SCLY: variants seen among roughly 807,000 people sequenced by gnomAD.
SCLY encodes the protein selenocysteine lyase, also known as putative selenocysteine lyase.
In SCLY, 38 loss-of-function variants were observed where a neutral mutation model predicts 50.1. The ratio of observed to expected loss-of-function variants is 0.76; its 90% confidence interval spans 0.59 to 0.99. The LOEUF (loss-of-function observed/expected upper bound fraction) is 0.99, where lower values mean the gene tolerates loss of function less well. Among genes scored for constraint, SCLY ranks in the 50% least tolerant of loss-of-function variants. SCLY has a pLI of 0.00. For synonymous variants in SCLY, 243 were observed against 249.4 expected (o/e 0.97, Z 0.24); for missense variants, 600 against 620.0 (o/e 0.97, Z 0.34).
chr2:238,094,664 C>A, intron 10 of SCLY, 142 bp downstream of exon 10: 2 of 695,056 alleles, frequency 2.9e-6, no homozygotes, highest in South Asian at 1.8e-5. Flanking sequence ...CTGGGGTTGC[C>A]AAGAGCAGGC....
Position 238,093,725 on chromosome 2 carries a change from T to C in SCLY, c.922-136T>C, listed in dbSNP as rs141795511. 858 of 822,990 alleles carry C rather than the reference T, an allele frequency of 1.0e-3. 1 individual carries two copies. The African/African-American group carries it at 0.013, about 12-fold the overall frequency. 51.0% of individuals were successfully genotyped at this position (822,990 alleles called of 1,614,324 possible). A position where few individuals can be genotyped will look rare whatever the true frequency, so the allele number is the denominator to read the frequency against. On this transcript the variant is annotated intron_variant, in intron 8 of 11. Coordinates refer to ENST00000254663, the MANE Select transcript of SCLY (RefSeq NM_016510.7). ...TTCCACACCCTCCAAATGGCAGCAC[T>C]CAAAAAATATGGTCTGTCTGTGACT...
At chr2:238,086,753 C>T (rs948809343) in intron 7 of SCLY, among the ~76,000 whole-genome samples, 1 of 146,360 alleles carries the variant, frequency 6.8e-6, no homozygotes, top group African/African-American at 2.5e-5. Context: ...GGCACGGTGG[C>T]TCACGCCTGT....
chr2:238,064,757 T>A, intron 2 of SCLY: 1 of 223,556 alleles, frequency 4.5e-6, no homozygotes, highest in Non-Finnish European at 8.8e-6. Context: ...GAAGTAGCAG[T>A]CAGTACCTGT....
chr2:238,098,173 C>T (rs779168257), intron 11 of SCLY, 29 bp from the exon 12 acceptor site: 2 of 1,602,604 alleles, frequency 1.2e-6, no homozygotes, highest in Non-Finnish European at 1.7e-6. Flanking sequence ...CCCTCAGCAG[C>T]AGCTGCAGCT....
At chr2:238,082,331 C>A (rs1029520076) in intron 6 of SCLY, 122 bp downstream of exon 6, 2 of 976,072 alleles carry the variant, frequency 2.0e-6, no homozygotes, top group Non-Finnish European at 3.0e-6. Flanking sequence ...CTGCGAGGAG[C>A]AACGTGGGAT....
In SCLY at chr2:238,083,212, G is replaced by C; in HGVS notation, c.778-36G>C. ...TGTATACAGAGTAGGTCCTTGGAAA[G>C]TTCTTGTTGAATAAATGACCAACTT... On this transcript the variant is annotated intron_variant, in intron 6 of 11. Transcript: ENST00000254663. This position sits in a 1 kb window ranked among gnomAD's most constrained non-coding sequence, Gnocchi z 4.3. 6.9e-7 allele frequency: 1 copy of C among 1,450,932 alleles called. No homozygotes were observed. The allele number at this position is 1,450,932 out of a possible 1,614,324, so 89.9% of individuals were successfully genotyped here. A position where few individuals can be genotyped will look rare whatever the true frequency, so the allele number is the denominator to read the frequency against.
intron 4 of SCLY, chr2:238,073,769 TTCC>T (rs762956929): frequency 1.7e-5 from 8 of 467,010 alleles, no homozygotes; most frequent in South Asian, 6.2e-5. Flanking sequence ...CCTCTTCTTC[TTCC>T]TCCTCCTCAG....
At chr2:238,093,994 G>T in intron 9 of SCLY, 50 bp downstream of exon 9, 1 of 1,527,514 alleles carries the variant, frequency 6.5e-7, no homozygotes, top group South Asian at 1.2e-5. Flanking sequence ...GCGTGGGGCA[G>T]GTGCCCAGAG....
chr2:238,069,566 C>T lies in SCLY; in HGVS notation c.484+89C>T, dbSNP rs369786192. ...GCCTGCGAGCAGAGCCCGGGATCCG[C>T]TGCAGAGATGTAGATTCAGTGTGCC... On this transcript the variant is annotated intron_variant, in intron 4 of 11. Transcript: ENST00000254663. The surrounding 1 kb of genome is among the most constrained non-coding windows in gnomAD (Gnocchi z 5.0). 16 of 1,200,456 alleles carry T rather than the reference C, an allele frequency of 1.3e-5. No individual in the cohort carries two copies. The African/African-American group carries it at 2.0e-4, about 15-fold the overall frequency. 74.4% of individuals were successfully genotyped at this position (1,200,456 alleles called of 1,614,324 possible). A position where few individuals can be genotyped will look rare whatever the true frequency, so the allele number is the denominator to read the frequency against.
At position 238,083,238 on chromosome 2, in the gene SCLY, T is replaced by A. The variant is rs767238754; in HGVS notation, c.778-10T>A. The A allele has an allele frequency of 1.3e-6, 2 of 1,597,004 alleles. No homozygotes were observed. Among genetic ancestry groups the A allele is most frequent in the Non-Finnish European group, 1.7e-6 (2 of 1,164,544 alleles). On this transcript the variant is annotated splice_polypyrimidine_tract_variant and intron_variant, in intron 6 of 11. Coordinates refer to ENST00000254663, the MANE Select transcript of SCLY (RefSeq NM_016510.7). The surrounding 1 kb of genome is among the most constrained non-coding windows in gnomAD (Gnocchi z 4.3). ...TTCTTGTTGAATAAATGACCAACTT[T>A]TCCTTCCAGTTTTATGGTCCCAGGA...
chr2:238,098,649 G>GACCGCCCACATGGGACCGCCCACATAGA lies in SCLY; in HGVS notation c.*305_*306insGGGACCGCCCACATAGAACCGCCCACAT, dbSNP rs1559254923. 228 of 256,520 alleles carry GACCGCCCACATGGGACCGCCCACATAGA rather than the reference G, an allele frequency of 8.9e-4. 7 individuals are homozygous for GACCGCCCACATGGGACCGCCCACATAGA. Among genetic ancestry groups the GACCGCCCACATGGGACCGCCCACATAGA allele is most frequent in the African/African-American group, 5.5e-3 (205 of 37,604 alleles). 15.9% of individuals were successfully genotyped at this position (256,520 alleles called of 1,614,324 possible). ...CGCCCACATGGGACCGCCCACATGG[G>GACCGCCCACATGGGACCGCCCACATAGA]ACCGCCCACATAGAACCGTCCTCCA... On this transcript the variant is annotated 3_prime_UTR_variant, in exon 12 of 12. Coordinates refer to ENST00000254663, the MANE Select transcript of SCLY (RefSeq NM_016510.7).
intron 4 of SCLY, among the ~76,000 whole-genome samples, chr2:238,077,214 A>G (rs748569309): frequency 3.3e-5 from 5 of 152,208 alleles, no homozygotes; most frequent in Non-Finnish European, 5.9e-5. Context: ...TATATTATGG[A>G]TGAACTGGTT....
chr2:238,084,619 G>A (rs887106251), intron 7 of SCLY, among the ~76,000 whole-genome samples: 2 of 93,238 alleles, frequency 2.1e-5, no homozygotes, highest in Non-Finnish European at 4.3e-5. Context: ...AAAAAGCCCA[G>A]CACGGTGGCT....
intron 4 of SCLY, among the ~76,000 whole-genome samples, chr2:238,070,260 A>C (rs780943139): frequency 1.3e-5 from 2 of 152,180 alleles, no homozygotes; most frequent in African/African-American, 2.4e-5. Context: ...TTTCTTCTCA[A>C]CCTGAGTTTT....
chr2:238,064,040 A>G (rs1267297063), intron 1 of SCLY, among the ~76,000 whole-genome samples: 1 of 152,212 alleles, frequency 6.6e-6, no homozygotes, highest in African/African-American at 2.4e-5. Context: ...AGCCTCCCAC[A>G]TGGCTGGACT....
In SCLY at chr2:238,061,023, G is replaced by C. The variant is rs560039789; in HGVS notation, c.-32G>C. On this transcript the variant is annotated 5_prime_UTR_variant, in exon 1 of 12. Transcript: ENST00000254663. ...TGGGCCCGTAGCGCTCCGCGGGAAG[G>C]AGGCTGGATGCCCGGCAGCAGTGGG... 2.0e-3 allele frequency: 2,649 copies of C among 1,355,752 alleles called. 5 individuals are homozygous for C. The highest frequency in any genetic ancestry group is 2.4e-3 in the Non-Finnish European group (2,519 of 1,059,534). 84.0% of individuals were successfully genotyped at this position (1,355,752 alleles called of 1,614,324 possible). A position where few individuals can be genotyped will look rare whatever the true frequency, so the allele number is the denominator to read the frequency against.
chr2:238,068,128 A>T lies in SCLY; in HGVS notation c.266A>T (p.Lys89Ile), dbSNP rs2065090951. The T allele has an allele frequency of 6.2e-7, 1 of 1,611,566 alleles. No individual in the cohort carries two copies. Among genetic ancestry groups the T allele is most frequent in the Non-Finnish European group, 8.5e-7 (1 of 1,178,946 alleles). Reference protein sequence around the residue: ...RESLAKMIGGKPQDIIFTSGG... With the variant: ...RESLAKMIGGIPQDIIFTSGG... Reference sequence around the variant, plus strand: ...AGCCTCGCGAAGATGATAGGGGGGAAACCTCAAGATATAATCTTCACTTCC... The same window carrying T: ...AGCCTCGCGAAGATGATAGGGGGGATACCTCAAGATATAATCTTCACTTCC... Residue 89 changes from lysine (K) to isoleucine (I), a missense_variant, in exon 3 of 12, where the codon AAA (lysine) becomes ATA (isoleucine). Transcript: ENST00000254663.
At chr2:238,073,603 T>C (rs2065145840) in intron 4 of SCLY, among the ~76,000 whole-genome samples, 3 of 152,256 alleles carry the variant, frequency 2.0e-5, no homozygotes. Flanking sequence ...GATACTATTG[T>C]AGATGGAATT....
At chr2:238,068,744 A>C (rs189382922) in intron 3 of SCLY, among the ~76,000 whole-genome samples, 1 of 152,298 alleles carries the variant, frequency 6.6e-6, no homozygotes, top group African/African-American at 2.4e-5. Context: ...TTTCATCCCT[A>C]ATTGATAGAT....
Sources: gnomAD v4.1 joint callset for allele counts (sites outside exome capture counted in the v4.1 genomes callset) on GRCh38, gnomAD v4.1.1 for gene constraint, Gnocchi (gnomAD v3.1) non-coding constraint, MANE v1.5 for transcripts, NCBI Gene and HGNC (gene_info 2026-07-23, HGNC 2026-07-21) for gene names.